The following CACNA1A variants were observed in gnomAD, a reference collection of about 807,000 sequenced individuals.
CACNA1A encodes voltage-dependent P/Q-type calcium channel subunit alpha-1A.
A neutral mutation model predicts 262.4 loss-of-function variants in CACNA1A; 57 were observed. The observed-to-expected ratio is 0.22, with a 90% CI of 0.18 to 0.27. CACNA1A has a LOEUF of 0.27. Among genes scored for constraint, CACNA1A ranks in the 10% least tolerant of loss-of-function variants. The pLI is 1.00. For missense variants in CACNA1A, 2,526 were observed against 3,562.8 expected (o/e 0.71, Z 7.41); for synonymous variants, 1,431 against 1,419.3 (o/e 1.01, Z -0.18).
chr19:13,343,759 G>C (rs1287928180), intron 6 of CACNA1A, among the ~76,000 whole-genome samples: 1 of 152,106 alleles, frequency 6.6e-6, no homozygotes, highest in Admixed American at 6.6e-5. Context: ...TTAAGATGGA[G>C]ACTTAAAAAA....
intron 24 of CACNA1A, chr19:13,271,812 G>A (rs1302444254): frequency 6.8e-6 from 1 of 147,200 alleles, no homozygotes; most frequent in Admixed American, 6.9e-5. Flanking sequence ...TGCCCAGGCT[G>A]GAGTGCAGTG....
At chr19:13,469,458 C>CTTTTTTT (rs1568678224) in intron 1 of CACNA1A, among the ~76,000 whole-genome samples, 1 of 133,708 alleles carries the variant, frequency 7.5e-6, no homozygotes, top group Non-Finnish European at 1.6e-5. Context: ...CTTGAACCAC[C>CTTTTTTT]TCTTTTTTTT....
intron 4 of CACNA1A, among the ~76,000 whole-genome samples, chr19:13,368,903 T>C (rs2059267401): frequency 7.0e-6 from 1 of 143,158 alleles, no homozygotes; most frequent in Admixed American, 6.9e-5. Context: ...CCGGGCGTGG[T>C]AGCGGGCGCC....
chr19:13,282,600 T>G (rs1034167784), intron 22 of CACNA1A, among the ~76,000 whole-genome samples: 1 of 152,042 alleles, frequency 6.6e-6, no homozygotes, highest in Non-Finnish European at 1.5e-5. Flanking sequence ...AGAGTTGGAA[T>G]TCTGCTGTGT....
chr19:13,229,312 G>GC (rs945880279), intron 36 of CACNA1A, among the ~76,000 whole-genome samples: 5 of 152,092 alleles, frequency 3.3e-5, no homozygotes, highest in African/African-American at 4.8e-5. Context: ...GCTGCTGAGG[G>GC]CCCCCCAGTA....
At chr19:13,266,618 G>C (rs2056870038) in intron 24 of CACNA1A, among the ~76,000 whole-genome samples, 1 of 151,990 alleles carries the variant, frequency 6.6e-6, no homozygotes, top group African/African-American at 2.4e-5. Context: ...CTGTCACCCA[G>C]GGTGGAGTGC....
chr19:13,275,773 G>A (rs971595082), intron 24 of CACNA1A, 77 bp downstream of exon 24: 2 of 977,772 alleles, frequency 2.0e-6, no homozygotes, highest in African/African-American at 3.2e-5. Context: ...CTGAGAACAT[G>A]TCCTGTAATC....
intron 3 of CACNA1A, among the ~76,000 whole-genome samples, chr19:13,378,919 T>C (rs1599325161): frequency 6.6e-6 from 1 of 151,406 alleles, no homozygotes; most frequent in Non-Finnish European, 1.5e-5. Flanking sequence ...TCCACCCACC[T>C]TGGCCTCACA....
At chr19:13,247,281 C>G (rs921197064) in intron 30 of CACNA1A, among the ~76,000 whole-genome samples, 14 of 152,332 alleles carry the variant, frequency 9.2e-5, no homozygotes, top group East Asian at 3.9e-4. Flanking sequence ...GGCCTCTGCG[C>G]CCTTCTCTGG....
At chr19:13,417,355 G>T (rs907555380) in intron 3 of CACNA1A, among the ~76,000 whole-genome samples, 3 of 152,180 alleles carry the variant, frequency 2.0e-5, no homozygotes, top group Admixed American at 1.3e-4. Context: ...TCATGTTTCG[G>T]TTTCTGAATG....
At position 13,298,593 on chromosome 19, in the gene CACNA1A, C is replaced by G; in HGVS notation, c.3040G>C (p.Glu1014Gln). ...RHRHGAPATY[E>Q]GDARREDKER... is the part of the protein sequence containing the mutation. Reference sequence around the variant, plus strand: ...TTGTCCTCCCTCCGCGCGTCCCCCTCGTACGTGGCTGGAGCGCCATGCCGG... The same window carrying G: ...TTGTCCTCCCTCCGCGCGTCCCCCTGGTACGTGGCTGGAGCGCCATGCCGG... Residue 1014 changes from glutamate (E) to glutamine (Q), a missense_variant, in exon 19 of 47, where the codon GAG becomes CAG. Around this residue, in one of 17 missense-constraint regions of CACNA1A, gnomAD observed 765 missense variants for 748.6 expected, o/e 1.02. Coordinates refer to ENST00000360228, the MANE Select transcript of CACNA1A (RefSeq NM_001127222.2). The G allele has an allele frequency of 1.9e-6, 3 of 1,541,602 alleles. No homozygotes were observed. The highest frequency in any genetic ancestry group is 2.6e-6 in the Non-Finnish European group (3 of 1,142,326).
intron 4 of CACNA1A, among the ~76,000 whole-genome samples, chr19:13,370,457 C>T (rs11670556): frequency 0.22 from 33,411 of 149,898 alleles, 4,654 homozygotes; most frequent in Middle Eastern, 0.32. Context: ...GAGACAAGGT[C>T]TCACTCTGTT....
intron 36 of CACNA1A, chr19:13,229,264 CCT>C (rs754437913): frequency 1.3e-3 from 195 of 153,694 alleles, no homozygotes; most frequent in Non-Finnish European, 1.4e-3. Flanking sequence ...GTGACGGCCT[CCT>C]CTCTGGTGCT....
chr19:13,378,896 T>C (rs2059463286), intron 3 of CACNA1A, among the ~76,000 whole-genome samples: 1 of 151,762 alleles, frequency 6.6e-6, no homozygotes, highest in Non-Finnish European at 1.5e-5. Flanking sequence ...TTTGAACTCC[T>C]GACCTCAAGT....
At chr19:13,263,860 TA>T (rs2056799570) in intron 24 of CACNA1A, among the ~76,000 whole-genome samples, 2 of 152,058 alleles carry the variant, frequency 1.3e-5, no homozygotes, top group Admixed American at 6.6e-5. Flanking sequence ...AGTGGGCTCT[TA>T]AAAAAATGGG....
At chr19:13,499,959 A>T (rs1982175053) in intron 1 of CACNA1A, among the ~76,000 whole-genome samples, 1 of 151,066 alleles carries the variant, frequency 6.6e-6, no homozygotes, top group South Asian at 2.1e-4. Context: ...ACTGGGGGGG[A>T]AACAGGGAGG....
chr19:13,480,801 A>G (rs1979198242), intron 1 of CACNA1A, among the ~76,000 whole-genome samples: 1 of 152,224 alleles, frequency 6.6e-6, no homozygotes, highest in Admixed American at 6.5e-5. Flanking sequence ...CATAACATAA[A>G]ATGGTTTATT....
In CACNA1A at chr19:13,330,266, C is replaced by A; in HGVS notation, c.1323G>T (p.Gln441His). 6.4e-7 allele frequency: 1 copy of A among 1,559,742 alleles called. No individual in the cohort carries two copies. The highest frequency in any genetic ancestry group is 2.4e-5 in the East Asian group (1 of 41,904). The stretch of plus-strand genomic sequence containing the variant: ...CACCCACAGAGGCTATATCAGCCAG[C>A]TGATCCTCAGCCTCTTCGGGGTTGA... Reference protein sequence around the residue: ...DLLNPEEAEDQLADIASVGSP... With the variant: ...DLLNPEEAEDHLADIASVGSP... The change falls in exon 10 of 47, where the codon CAG becomes CAT. Residue 441 changes from glutamine (Q) to histidine (H), a missense_variant. Gln to His is a conservative substitution (Grantham distance 24, BLOSUM62 0). This residue lies in a region of CACNA1A where 104 missense variants were observed against 127.6 expected (regional missense o/e 0.81). Coordinates refer to ENST00000360228, the MANE Select transcript of CACNA1A (RefSeq NM_001127222.2).
Position 13,259,568 on chromosome 19 carries a change from G to A in CACNA1A, c.4384C>T (p.Pro1462Ser), listed in dbSNP as rs1484560954. 6.2e-7 allele frequency: 1 copy of A among 1,604,406 alleles called. No homozygotes were observed. Among genetic ancestry groups the A allele is most frequent in the Admixed American group, 1.7e-5 (1 of 58,694 alleles). Residue 1462 changes from proline to serine, a missense_variant, in exon 27 of 47, where the codon CCA becomes TCA. Coordinates refer to ENST00000360228, the MANE Select transcript of CACNA1A (RefSeq NM_001127222.2). Reference sequence around the variant, plus strand: ...ATTTCCAGTCGGGCCACTTACTGTGGCCAGCCTTCTCCCGTGGACACGGTG... The same window carrying A: ...ATTTCCAGTCGGGCCACTTACTGTGACCAGCCTTCTCCCGTGGACACGGTG... ...LFTVSTGEGW[P>S]QVLKHSVDAT...
Sources: allele counts gnomAD v4.1 joint callset (sites outside exome capture counted in the v4.1 genomes callset), GRCh38; gene constraint gnomAD v4.1.1; regional missense constraint gnomAD v4.1.1; transcripts MANE v1.5; gene names NCBI Gene and HGNC (gene_info 2026-07-23, HGNC 2026-07-21).